Variants in ACVR1 observed in about 807,000 individuals in gnomAD.
ACVR1 encodes the protein activin A receptor type 1.
Under a neutral mutation model 57.1 loss-of-function variants are expected in ACVR1, and 38 were observed. The ratio of observed to expected loss-of-function variants is 0.67; its 90% confidence interval spans 0.51 to 0.87. The LOEUF is 0.87. Among genes scored for constraint, ACVR1 ranks in the 40% least tolerant of loss-of-function variants. ACVR1 has a pLI of 0.00. For synonymous variants in ACVR1, 212 were observed against 228.1 expected, an observed-to-expected ratio of 0.93 and a Z score of 0.63; for missense variants, 463 against 638.2, an observed-to-expected ratio of 0.73 and a Z score of 2.96.
chr2:157,782,484 G>A (rs1242202757), intron 3 of ACVR1, among the ~76,000 whole-genome samples: 2 of 152,218 alleles, frequency 1.3e-5, no homozygotes, highest in African/African-American at 2.4e-5. Flanking sequence ...GGAGAAATCC[G>A]AAGGAAATTC....
chr2:157,832,562 A>G (rs1007041774), intron 1 of ACVR1, among the ~76,000 whole-genome samples: 1 of 152,064 alleles, frequency 6.6e-6, no homozygotes, highest in Admixed American at 6.5e-5. Flanking sequence ...AAATCTCTGG[A>G]CTCTTTAATG....
In ACVR1 at chr2:157,747,100, T is replaced by C. The variant is rs761727973; in HGVS notation, c.1265-8530A>G. ...CAGAAACTCAAAGGATGTATCATTA[T>C]AATGACCTTCCTCACAGAAGATATT... On this transcript the variant is annotated intron_variant, in intron 9 of 10. Coordinates refer to ENST00000434821, the MANE Select transcript of ACVR1 (RefSeq NM_001111067.4). Among the ~76,000 whole-genome samples, 133 of 152,224 alleles carry C rather than the reference T, an allele frequency of 8.7e-4. 1 individual carries two copies. Among genetic ancestry groups the C allele is most frequent in the Non-Finnish European group, 1.6e-3 (108 of 68,038 alleles).
rs1248849549 is a variant in ACVR1, at chr2:157,869,185, A to AGAT, written c.-183+6608_-183+6610dup. 3.3e-5 allele frequency among the ~76,000 whole-genome samples: 5 copies of AGAT among 152,162 alleles called. No homozygotes were observed. The East Asian group carries it at 7.7e-4, about 23-fold the overall frequency. ...CCACCTTTGATGCTGATGGGGATCA[A>AGAT]GATGATGATGATGATGCACACTGGA... On this transcript the variant is annotated intron_variant, in intron 1 of 10. Transcript: ENST00000434821.
intron 1 of ACVR1, among the ~76,000 whole-genome samples, chr2:157,844,508 A>C (rs560704482): frequency 6.6e-6 from 1 of 152,302 alleles, no homozygotes; most frequent in Non-Finnish European, 1.5e-5. Flanking sequence ...AACAAACAAA[A>C]AAAACTTGGG....
chr2:157,814,935 A>G (rs1687879465), intron 2 of ACVR1, among the ~76,000 whole-genome samples: 1 of 152,064 alleles, frequency 6.6e-6, no homozygotes, highest in Admixed American at 6.6e-5. Context: ...AATACAAAAA[A>G]TTAGCAGGGC....
chr2:157,861,403 G>A (rs542525301), intron 1 of ACVR1, among the ~76,000 whole-genome samples: 3 of 152,154 alleles, frequency 2.0e-5, no homozygotes, highest in Non-Finnish European at 4.4e-5. Flanking sequence ...CTGTCAGTTC[G>A]GAGTTGTGTG....
intron 9 of ACVR1, among the ~76,000 whole-genome samples, chr2:157,741,116 G>A (rs1206830838): frequency 6.6e-6 from 1 of 152,134 alleles, no homozygotes; most frequent in Non-Finnish European, 1.5e-5. Flanking sequence ...GAAATCAAAA[G>A]TCTAGTGGAA....
At chr2:157,768,494 A>G (rs1685956859) in intron 7 of ACVR1, among the ~76,000 whole-genome samples, 1 of 152,198 alleles carries the variant, frequency 6.6e-6, no homozygotes, top group Admixed American at 6.5e-5. Flanking sequence ...AAATAAATAA[A>G]TAATAAACGA....
At chr2:157,775,603 C>T (rs933596312) in intron 5 of ACVR1, among the ~76,000 whole-genome samples, 1 of 152,066 alleles carries the variant, frequency 6.6e-6, no homozygotes, top group Non-Finnish European at 1.5e-5. Context: ...AATTTAGAAC[C>T]CTTAAAAACC....
intron 9 of ACVR1, among the ~76,000 whole-genome samples, chr2:157,743,736 C>G (rs140730039): frequency 1.3e-5 from 2 of 151,404 alleles, no homozygotes; most frequent in African/African-American, 4.9e-5. Flanking sequence ...TGACACACGT[C>G]CATTCAGGTC....
chr2:157,737,711 A>C, intron 10 of ACVR1, 46 bp from the exon 11 acceptor site: 1 of 1,613,404 alleles, frequency 6.2e-7, no homozygotes, highest in Non-Finnish European at 8.5e-7. Context: ...CTGGCTTTTT[A>C]ATGGCCCTGG....
intron 8 of ACVR1, among the ~76,000 whole-genome samples, 192 bp from the exon 9 acceptor site, chr2:157,761,269 G>A (rs1685643357): frequency 6.6e-6 from 1 of 152,136 alleles, no homozygotes; most frequent in African/African-American, 2.4e-5. Context: ...GGGACTAAAT[G>A]TCAGAAACAT....
rs562380914 is a variant in ACVR1 at position 157,788,678 on chromosome 2, G to T, written c.68-8078C>A. On this transcript the variant is annotated intron_variant, in intron 3 of 10. Transcript: ENST00000434821. Reference sequence around the variant, plus strand: ...TAGGAAAAGATGTAGTATAGATAAGGTTCAATACTATCTGTGGTTTCAGGC... The same window carrying T: ...TAGGAAAAGATGTAGTATAGATAAGTTTCAATACTATCTGTGGTTTCAGGC... Among the ~76,000 whole-genome samples the T allele has an allele frequency of 7.9e-5, 12 of 152,168 alleles. No homozygotes were observed. In the East Asian group the frequency reaches 2.3e-3, roughly 29 times the overall value.
At chr2:157,860,117 T>C (rs1444558672) in intron 1 of ACVR1, 3 of 152,020 alleles carry the variant, frequency 2.0e-5, no homozygotes, top group African/African-American at 7.3e-5. Flanking sequence ...GCAGACAAGT[T>C]TGGGGACCAG....
chr2:157,807,946 CTG>C (rs1687619973), intron 2 of ACVR1, among the ~76,000 whole-genome samples: 1 of 150,114 alleles, frequency 6.7e-6, no homozygotes, highest in African/African-American at 2.4e-5. Flanking sequence ...CTCTCTCTCT[CTG>C]TCTTTACTGA....
intron 1 of ACVR1, among the ~76,000 whole-genome samples, chr2:157,851,359 A>G (rs1280059210): frequency 6.6e-6 from 1 of 152,074 alleles, no homozygotes; most frequent in African/African-American, 2.4e-5. Flanking sequence ...GCTGCATAAT[A>G]CAAGCATGGA....
At chr2:157,845,633 G>A (rs1689107353) in intron 1 of ACVR1, among the ~76,000 whole-genome samples, 2 of 150,994 alleles carry the variant, frequency 1.3e-5, no homozygotes, top group African/African-American at 4.9e-5. Context: ...AATACAGATG[G>A]TGAGGGGAAT....
In ACVR1 at chr2:157,766,180, G is replaced by A; in HGVS notation, c.807C>T (p.Asp269=). ...HENILGFIAS[D]MTSRHSSTQL... ...GGGTACTGGAGTGTCTTGATGTCAT[G>A]TCTGAAGCAATGAAACCTGGAGAGA... The change falls in exon 8 of 11, where the codon GAC becomes GAT. Residue 269 remains aspartate, a synonymous_variant. Coordinates refer to ENST00000434821, the MANE Select transcript of ACVR1 (RefSeq NM_001111067.4). 1 of 1,614,042 alleles carries A rather than the reference G, an allele frequency of 6.2e-7. No homozygotes were observed. The highest frequency in any genetic ancestry group is 2.2e-5 in the East Asian group (1 of 44,870).
chr2:157,858,563 G>C (rs1017053688), intron 1 of ACVR1, among the ~76,000 whole-genome samples: 7 of 152,096 alleles, frequency 4.6e-5, no homozygotes, highest in East Asian at 1.9e-4. Flanking sequence ...CCTCCATCTT[G>C]AGGGTTCAAG....
Sources: gnomAD v4.1 joint callset for allele counts (sites outside exome capture counted in the v4.1 genomes callset) on GRCh38, gnomAD v4.1.1 for gene constraint, MANE v1.5 for transcripts, NCBI Gene and HGNC (gene_info 2026-07-23, HGNC 2026-07-21) for gene names.